PLPPR5: variants seen among roughly 807,000 people sequenced by gnomAD.
PLPPR5 encodes phospholipid phosphatase related 5.
A neutral mutation model predicts 33.9 loss-of-function variants in PLPPR5; 16 were observed. That is an observed-to-expected ratio of 0.47 (90% CI 0.32 to 0.72). The LOEUF is 0.72. Ranked by LOEUF, PLPPR5 falls within the 30% of genes least tolerant of loss-of-function variation. PLPPR5 has a pLI of 0.03. For synonymous variants in PLPPR5, 163 were observed against 150.3 expected (o/e 1.08, Z -0.62); for missense variants, 301 against 406.7 (o/e 0.74, Z 2.23).
At chr1:98,970,931 T>C (rs1481272099) in intron 1 of PLPPR5, among the ~76,000 whole-genome samples, 1 of 152,176 alleles carries the variant, frequency 6.6e-6, no homozygotes, top group East Asian at 1.9e-4. Context: ...AAACTTTTTA[T>C]CTGAACTTCT....
intron 5 of PLPPR5, among the ~76,000 whole-genome samples, chr1:98,900,249 C>T (rs1028853834): frequency 6.6e-5 from 10 of 152,154 alleles, no homozygotes; most frequent in African/African-American, 2.4e-4. Flanking sequence ...TTCTTGCCCT[C>T]GTGCCCTTAT....
At chr1:98,942,668 A>G (rs1650420101) in intron 3 of PLPPR5, among the ~76,000 whole-genome samples, 1 of 152,186 alleles carries the variant, frequency 6.6e-6, no homozygotes, top group Non-Finnish European at 1.5e-5. Context: ...CTCTATCTGA[A>G]TGAGGGTGAA....
intron 5 of PLPPR5, among the ~76,000 whole-genome samples, chr1:98,894,344 T>A (rs1012432260): frequency 3.9e-5 from 6 of 152,080 alleles, no homozygotes. Flanking sequence ...GACTTCAGGG[T>A]AAAGATGACT....
rs188673895 is a variant in PLPPR5 at position 98,978,980 on chromosome 1, G to A, written c.238-22239C>T. ...CATCCTGTCATTGAGTTGCTAAAACGCATGTTCTCAGAGAAGGCTTCTCTA... is the reference window on the plus strand; with the variant it reads ...CATCCTGTCATTGAGTTGCTAAAACACATGTTCTCAGAGAAGGCTTCTCTA... On this transcript the variant is annotated intron_variant, in intron 1 of 5. Transcript: ENST00000263177. Among the ~76,000 whole-genome samples the A allele has an allele frequency of 7.8e-4, 118 of 152,000 alleles. 1 individual carries two copies. Among genetic ancestry groups the A allele is most frequent in the African/African-American group, 2.7e-3 (111 of 41,514 alleles).
chr1:98,916,925 G>C (rs1451785817), intron 4 of PLPPR5, among the ~76,000 whole-genome samples: 1 of 152,136 alleles, frequency 6.6e-6, no homozygotes, highest in East Asian at 1.9e-4. Context: ...GAACATGCCT[G>C]AGTCTATACA....
rs753144587 is a variant in PLPPR5 at position 98,890,315 on chromosome 1, C to T, written c.*2757G>A. ...TACACAGCAGAGAATTATTTCCTCC[C>T]CTACTGTTCTTTCACAAAGGAAACT... is the stretch of plus-strand genomic sequence containing the variant. On this transcript the variant is annotated 3_prime_UTR_variant, in exon 6 of 6. Transcript: ENST00000263177. The T allele has an allele frequency of 6.6e-6, 1 of 152,418 alleles. No homozygotes were observed. The highest frequency in any genetic ancestry group is 1.5e-5 in the Non-Finnish European group (1 of 68,000). 9.4% of individuals were successfully genotyped at this position (152,418 alleles called of 1,614,324 possible).
intron 1 of PLPPR5, among the ~76,000 whole-genome samples, chr1:98,981,659 C>A (rs148998321): frequency 1.3e-3 from 196 of 152,144 alleles, no homozygotes; most frequent in Non-Finnish European, 2.3e-3. Context: ...GTCCAAGAAA[C>A]ACTTGGTAAA....
chr1:98,974,273 G>A lies in PLPPR5; in HGVS notation c.238-17532C>T, dbSNP rs186650662. On this transcript the variant is annotated intron_variant, in intron 1 of 5. Coordinates refer to ENST00000263177, the MANE Select transcript of PLPPR5 (RefSeq NM_001037317.2). ...GATCAGCCACATTCAGTGTCACAAA[G>A]AAGTAAGAGAAGTAAATGTTCAAGC... Among the ~76,000 whole-genome samples, 23 of 152,146 alleles carry A rather than the reference G, an allele frequency of 1.5e-4. No homozygotes were observed. The East Asian group carries it at 4.1e-3, about 27-fold the overall frequency.
At chr1:98,895,816 G>A (rs889702035) in intron 5 of PLPPR5, among the ~76,000 whole-genome samples, 1 of 151,904 alleles carries the variant, frequency 6.6e-6, no homozygotes, top group African/African-American at 2.4e-5. Context: ...TTTTAAGGTA[G>A]TTGTAGTTAG....
intron 2 of PLPPR5, 51 bp from the exon 3 acceptor site, chr1:98,953,371 G>A (rs1262453673): frequency 6.6e-7 from 1 of 1,510,390 alleles, no homozygotes; most frequent in Admixed American, 2.1e-5. Flanking sequence ...GTGTGTGTGT[G>A]TGTGTGTGTG....
chr1:98,894,207 T>C (rs1290286167), intron 5 of PLPPR5, among the ~76,000 whole-genome samples: 3 of 152,032 alleles, frequency 2.0e-5, no homozygotes, highest in Admixed American at 2.0e-4. Context: ...GCTGAGTTTT[T>C]CCACTAACTC....
intron 1 of PLPPR5, among the ~76,000 whole-genome samples, chr1:98,971,315 T>C (rs1651649498): frequency 6.6e-6 from 1 of 152,032 alleles, no homozygotes. Context: ...GCAATAATGA[T>C]TATATATTTA....
At chr1:98,938,681 G>A (rs546063846) in intron 3 of PLPPR5, among the ~76,000 whole-genome samples, 56 of 152,010 alleles carry the variant, frequency 3.7e-4, no homozygotes, top group African/African-American at 1.3e-3. Context: ...CATAAAAGAA[G>A]ATGAAGTTCT....
At chr1:98,968,355 GT>G (rs1246910461) in intron 1 of PLPPR5, among the ~76,000 whole-genome samples, 1 of 151,990 alleles carries the variant, frequency 6.6e-6, no homozygotes, top group Non-Finnish European at 1.5e-5. Flanking sequence ...TGGGTTATTA[GT>G]AAGCTTTCCA....
intron 3 of PLPPR5, among the ~76,000 whole-genome samples, chr1:98,929,017 T>A (rs554188368): frequency 6.6e-6 from 1 of 152,270 alleles, no homozygotes; most frequent in South Asian, 2.1e-4. Flanking sequence ...TTGATACCTT[T>A]AGAGACTTAG....
intron 5 of PLPPR5, among the ~76,000 whole-genome samples, chr1:98,901,559 A>T (rs139996791): frequency 1.1e-3 from 170 of 152,284 alleles, no homozygotes; most frequent in African/African-American, 3.8e-3. Flanking sequence ...TTATTGTTTT[A>T]TCATCTGGTT....
chr1:98,900,274 A>G (rs1353175280), intron 5 of PLPPR5, among the ~76,000 whole-genome samples: 2 of 152,108 alleles, frequency 1.3e-5, no homozygotes, highest in Non-Finnish European at 2.9e-5. Context: ...CCTGCTAAAC[A>G]AAACCGTTGC....
At chr1:98,902,360 AT>A (rs1289983995) in intron 5 of PLPPR5, among the ~76,000 whole-genome samples, 5 of 1,122 alleles carry the variant, frequency 4.5e-3, no homozygotes, top group African/African-American at 4.9e-3. Flanking sequence ...CTTGAAGGTT[AT>A]TTTAAGAATG....
intron 4 of PLPPR5, among the ~76,000 whole-genome samples, chr1:98,917,544 C>T (rs1227313013): frequency 2.6e-5 from 4 of 152,148 alleles, no homozygotes; most frequent in Non-Finnish European, 5.9e-5. Flanking sequence ...TGCAGCCTTC[C>T]TTCTCTGTTT....
Sources: allele counts gnomAD v4.1 joint callset (sites outside exome capture counted in the v4.1 genomes callset), GRCh38; gene constraint gnomAD v4.1.1; transcripts MANE v1.5; gene names NCBI Gene and HGNC (gene_info 2026-07-23, HGNC 2026-07-21).